The following TMEM38B variants were observed in gnomAD, a reference collection of about 807,000 sequenced individuals.
The protein encoded by TMEM38B is trimeric intracellular cation channel type B.
TMEM38B carries 24 observed loss-of-function variants against 28.7 expected under a neutral mutation model. The observed-to-expected ratio is 0.84, with a 90% confidence interval of 0.61 to 1.18. The LOEUF (loss-of-function observed/expected upper bound fraction) is 1.18. TMEM38B is among the 50% of genes most tolerant of loss of function. TMEM38B has a pLI of 0.00. For synonymous variants in TMEM38B, 131 were observed against 127.7 expected, an observed-to-expected ratio of 1.03 and a Z score of -0.17; for missense variants, 380 against 350.9, an observed-to-expected ratio of 1.08 and a Z score of -0.66.
intron 4 of TMEM38B, among the ~76,000 whole-genome samples, chr9:105,723,591 C>A (rs534285956): frequency 5.3e-5 from 8 of 152,106 alleles, no homozygotes; most frequent in South Asian, 2.1e-4. Context: ...AGGGTCTCAT[C>A]TCAGTATGTT....
chr9:105,698,980 T>C (rs1170028828), intron 1 of TMEM38B, among the ~76,000 whole-genome samples: 3 of 152,330 alleles, frequency 2.0e-5, no homozygotes, highest in East Asian at 1.9e-4. Flanking sequence ...TTACATTATA[T>C]TGTAGAAAAT....
At chr9:105,703,991 C>A (rs1045802804) in intron 1 of TMEM38B, among the ~76,000 whole-genome samples, 2 of 146,114 alleles carry the variant, frequency 1.4e-5, no homozygotes, top group Admixed American at 7.1e-5. Flanking sequence ...AACAAAAAAC[C>A]AAACACCGCA....
intron 4 of TMEM38B, among the ~76,000 whole-genome samples, chr9:105,731,296 T>TTAG (rs111686726): frequency 2.1e-3 from 197 of 95,652 alleles, no homozygotes; most frequent in African/African-American, 0.013. Context: ...AAGAACATCT[T>TTAG]TATTATTATT....
chr9:105,763,191 T>A (rs1838129150), intron 5 of TMEM38B, among the ~76,000 whole-genome samples: 1 of 152,034 alleles, frequency 6.6e-6, no homozygotes, highest in Non-Finnish European at 1.5e-5. Flanking sequence ...GTGAAAATTT[T>A]CTCCCATTTT....
chr9:105,744,571 A>C (rs1019194381), intron 4 of TMEM38B, among the ~76,000 whole-genome samples: 18 of 151,148 alleles, frequency 1.2e-4, no homozygotes, highest in South Asian at 2.1e-4. Flanking sequence ...TCTTTTTTTT[A>C]TTTTTTTATT....
chr9:105,725,852 G>T (rs1479121750), intron 4 of TMEM38B, among the ~76,000 whole-genome samples: 2 of 152,092 alleles, frequency 1.3e-5, no homozygotes, highest in African/African-American at 4.8e-5. Context: ...GGACATTAGT[G>T]TGCACTACTG....
At chr9:105,755,469 GA>G (rs1365456106) in intron 5 of TMEM38B, among the ~76,000 whole-genome samples, 1 of 149,194 alleles carries the variant, frequency 6.7e-6, no homozygotes, top group East Asian at 2.3e-4. Context: ...GAAGAATGAA[GA>G]AAAATAGATA....
chr9:105,737,090 G>A (rs367799288), intron 4 of TMEM38B, among the ~76,000 whole-genome samples: 204 of 152,344 alleles, frequency 1.3e-3, no homozygotes, highest in African/African-American at 4.3e-3. Context: ...TGCAGGGTGC[G>A]TGCTTGGATT....
At chr9:105,731,665 C>T (rs1356337901) in intron 4 of TMEM38B, among the ~76,000 whole-genome samples, 1 of 152,128 alleles carries the variant, frequency 6.6e-6, no homozygotes, top group African/African-American at 2.4e-5. Context: ...CATAGTATTC[C>T]ATGGTGTATA....
Position 105,773,878 on chromosome 9 carries a change from C to A in TMEM38B, c.674C>A (p.Thr225Asn). Residue 225 changes from threonine (T) to asparagine (N), a missense_variant, in exon 6 of 6, where the codon ACT becomes AAT. By Grantham distance (65) the Thr-to-Asn change is moderately conservative (BLOSUM62 0). Transcript: ENST00000374692. ...FIVATKITMM[T>N]TQTSTMTFAP... Reference sequence around the variant, plus strand: ...TTTTTCCCCCAGATAACCATGATGACTACACAGACTTCTACTATGACATTT... The same window carrying A: ...TTTTTCCCCCAGATAACCATGATGAATACACAGACTTCTACTATGACATTT... 6.2e-7 allele frequency: 1 copy of A among 1,613,306 alleles called. No individual in the cohort carries two copies. Among genetic ancestry groups the A allele is most frequent in the African/African-American group, 1.3e-5 (1 of 74,962 alleles).
In TMEM38B at chr9:105,710,745, CAG is replaced by C. The variant is rs1028520766; in HGVS notation, c.269+4996_269+4997del. ...TGTCGTTGGCTATGTTCCTGACAAA[CAG>C]AGACATGTTGGGGAGACGGCAGGTA... is the stretch of plus-strand genomic sequence containing the variant. On this transcript the variant is annotated intron_variant, in intron 2 of 5. Coordinates refer to ENST00000374692, the MANE Select transcript of TMEM38B (RefSeq NM_018112.3). 1.0e-5 allele frequency: 6 copies of C among 592,434 alleles called. No individual in the cohort carries two copies. The African/African-American group carries it at 1.1e-4, about 11-fold the overall frequency. 36.7% of individuals were successfully genotyped at this position (592,434 alleles called of 1,614,324 possible).
intron 4 of TMEM38B, among the ~76,000 whole-genome samples, chr9:105,732,116 T>C (rs535556618): frequency 6.6e-4 from 100 of 152,336 alleles, no homozygotes; most frequent in African/African-American, 2.3e-3. Context: ...TTTTGAGAAG[T>C]GTCTGTTCAT....
chr9:105,741,136 A>G (rs1468366727), intron 4 of TMEM38B, among the ~76,000 whole-genome samples: 2 of 152,230 alleles, frequency 1.3e-5, no homozygotes, highest in Admixed American at 6.5e-5. Context: ...CCACAAGCCA[A>G]GTTAGCCACC....
Position 105,775,347 on chromosome 9 carries a change from T to C in TMEM38B, c.*1267T>C, listed in dbSNP as rs1692869695. ...AAGATACTAAATGATGTTAATTTTCTTACTTTATGATTTAGAAGTCCAGTT... is the reference window on the plus strand; with the variant it reads ...AAGATACTAAATGATGTTAATTTTCCTACTTTATGATTTAGAAGTCCAGTT... On this transcript the variant is annotated 3_prime_UTR_variant, in exon 6 of 6. Transcript: ENST00000374692. The C allele has an allele frequency of 6.6e-6, 1 of 152,132 alleles. No individual in the cohort carries two copies. Among genetic ancestry groups the C allele is most frequent in the South Asian group, 2.1e-4 (1 of 4,836 alleles). The allele number at this position is 152,132 out of a possible 1,614,324, so 9.4% of individuals were successfully genotyped here.
intron 4 of TMEM38B, among the ~76,000 whole-genome samples, chr9:105,727,660 C>T (rs1588423437): frequency 6.6e-6 from 1 of 152,126 alleles, no homozygotes; most frequent in African/African-American, 2.4e-5. Flanking sequence ...TAGGGATGCT[C>T]AACCTGTATA....
At chr9:105,708,776 C>T (rs575572586) in intron 2 of TMEM38B, among the ~76,000 whole-genome samples, 1 of 152,118 alleles carries the variant, frequency 6.6e-6, no homozygotes, top group East Asian at 1.9e-4. Context: ...AAAGTAGCAC[C>T]TCCTCTCCCA....
At chr9:105,751,200 G>A (rs1048809712) in intron 5 of TMEM38B, among the ~76,000 whole-genome samples, 4 of 152,206 alleles carry the variant, frequency 2.6e-5, no homozygotes, top group Non-Finnish European at 5.9e-5. Flanking sequence ...CATTGGGACT[G>A]TCTAGGCAGA....
At chr9:105,697,888 A>C (rs1461407956) in intron 1 of TMEM38B, among the ~76,000 whole-genome samples, 2 of 152,080 alleles carry the variant, frequency 1.3e-5, no homozygotes, top group Non-Finnish European at 2.9e-5. Flanking sequence ...AAAATTCTAT[A>C]GTTCTATAAA....
At chr9:105,712,561 A>C (rs1835945437) in intron 2 of TMEM38B, among the ~76,000 whole-genome samples, 1 of 152,232 alleles carries the variant, frequency 6.6e-6, no homozygotes, top group Non-Finnish European at 1.5e-5. Context: ...GCAGAATCCA[A>C]ATCAGATTTA....
Sources: allele counts gnomAD v4.1 joint callset (sites outside exome capture counted in the v4.1 genomes callset), GRCh38; gene constraint gnomAD v4.1.1; transcripts MANE v1.5; gene names NCBI Gene and HGNC (gene_info 2026-07-23, HGNC 2026-07-21).